The following AFF1 variants were observed in gnomAD, a reference collection of about 807,000 sequenced individuals.
The protein encoded by AFF1 is AF4/FMR2 family member 1.
Under a neutral mutation model 121.7 loss-of-function variants are expected in AFF1, and 48 were observed. The ratio of observed to expected loss-of-function variants is 0.39; its 90% confidence interval spans 0.31 to 0.50. The LOEUF (loss-of-function observed/expected upper bound fraction) is 0.50, where lower values mean the gene tolerates loss of function less well. AFF1 is among the 20% of genes least tolerant of loss of function. The pLI, the probability that AFF1 is intolerant of heterozygous loss-of-function variation, is 0.76. For synonymous variants in AFF1, 613 were observed against 563.0 expected, an observed-to-expected ratio of 1.09 and a Z score of -1.26; for missense variants, 1,523 against 1,511.7, an observed-to-expected ratio of 1.01 and a Z score of -0.12.
intron 11 of AFF1, among the ~76,000 whole-genome samples, chr4:87,112,064 A>G (rs1380793295): frequency 6.6e-6 from 1 of 152,180 alleles, no homozygotes; most frequent in African/African-American, 2.4e-5. Flanking sequence ...AGTGGGTAAG[A>G]TATGTCCATA....
intron 2 of AFF1, among the ~76,000 whole-genome samples, chr4:87,033,236 A>G (rs1729240136): frequency 6.6e-6 from 1 of 152,246 alleles, no homozygotes; most frequent in Non-Finnish European, 1.5e-5. Flanking sequence ...TGTTCTTATC[A>G]ATACACAGAC....
intron 2 of AFF1, among the ~76,000 whole-genome samples, chr4:87,019,461 A>G (rs1044561520): frequency 6.6e-6 from 1 of 152,236 alleles, no homozygotes; most frequent in African/African-American, 2.4e-5. Context: ...AATGCTGTAC[A>G]GAGAGGCCAA....
intron 16 of AFF1, 91 bp downstream of exon 16, chr4:87,127,794 C>A: frequency 7.6e-7 from 1 of 1,315,140 alleles, no homozygotes; most frequent in Non-Finnish European, 1.1e-6. Flanking sequence ...TTCCATATCA[C>A]TCAGCGTATG....
At chr4:87,089,106 TC>T (rs142281010) in intron 5 of AFF1, among the ~76,000 whole-genome samples, 11,553 of 152,242 alleles carry the variant, frequency 0.076, 606 homozygotes, top group Non-Finnish European at 0.12. Flanking sequence ...ACCTTTGACT[TC>T]CTGGGGTACC....
intron 11 of AFF1, among the ~76,000 whole-genome samples, chr4:87,110,003 T>G (rs1032847538): frequency 1.3e-5 from 2 of 152,308 alleles, no homozygotes; most frequent in East Asian, 3.9e-4. Flanking sequence ...CTCTTTCCTT[T>G]TACAATAAAT....
At chr4:86,940,293 A>G (rs766681284) in intron 1 of AFF1, among the ~76,000 whole-genome samples, 4 of 152,224 alleles carry the variant, frequency 2.6e-5, no homozygotes, top group Non-Finnish European at 4.4e-5. Flanking sequence ...CAGAATATCA[A>G]CATTTTCTTA....
chr4:86,988,772 T>G (rs1413877596), intron 2 of AFF1, among the ~76,000 whole-genome samples: 1 of 151,832 alleles, frequency 6.6e-6, no homozygotes, highest in Non-Finnish European at 1.5e-5. Flanking sequence ...GGAGGCATCA[T>G]GCTGACTTCA....
In AFF1 at chr4:87,136,928, AG is replaced by A. The variant is rs1383471354; in HGVS notation, c.*1228del. The A allele has an allele frequency of 2.3e-5, 5 of 220,970 alleles. No individual in the cohort carries two copies. Among genetic ancestry groups the A allele is most frequent in the Admixed American group, 1.7e-4 (3 of 17,368 alleles). 13.7% of individuals were successfully genotyped at this position (220,970 alleles called of 1,614,324 possible). A position where few individuals can be genotyped will look rare whatever the true frequency, so the allele number is the denominator to read the frequency against. ...ACTCATCACCACATGCCTTCACTCCAGAGTGTTCTCAGCTAGATTTGATTTG... is the reference window on the plus strand; with the variant it reads ...ACTCATCACCACATGCCTTCACTCCAAGTGTTCTCAGCTAGATTTGATTTG... On this transcript the variant is annotated 3_prime_UTR_variant, in exon 21 of 21. Coordinates refer to ENST00000395146, the MANE Select transcript of AFF1 (RefSeq NM_001166693.3).
chr4:87,063,899 A>T (rs988940404), intron 4 of AFF1, among the ~76,000 whole-genome samples: 1 of 152,238 alleles, frequency 6.6e-6, no homozygotes. Flanking sequence ...AGTCAGCAGA[A>T]TCCCAAGAAA....
chr4:87,066,293 G>C (rs937749146), intron 4 of AFF1, among the ~76,000 whole-genome samples: 1 of 152,170 alleles, frequency 6.6e-6, no homozygotes, highest in Non-Finnish European at 1.5e-5. Flanking sequence ...ACCGGTCATT[G>C]CCCTGCAGAC....
rs890519320 is a variant in AFF1, at chr4:87,057,894, TC to T, written c.1059+10306del. Reference sequence around the variant, plus strand: ...TAAACCCCCACCGCTGTCTTCAACATCCCCCCGCCCACCATCCCCACCCCTG... The same window carrying T: ...TAAACCCCCACCGCTGTCTTCAACATCCCCCGCCCACCATCCCCACCCCTG... On this transcript the variant is annotated intron_variant, in intron 4 of 20. Coordinates refer to ENST00000395146, the MANE Select transcript of AFF1 (RefSeq NM_001166693.3). 5.3e-4 allele frequency among the ~76,000 whole-genome samples: 81 copies of T among 151,984 alleles called. 1 individual carries two copies. The highest frequency in any genetic ancestry group is 3.4e-3 in the Middle Eastern group (1 of 294).
Position 87,134,523 on chromosome 4 carries a change from G to T in AFF1, c.3364G>T (p.Val1122Leu), listed in dbSNP as rs143181683. Residue 1122 changes from valine (V) to leucine (L), a missense_variant, in exon 20 of 21, where the codon GTA becomes TTA. This residue lies in a region of AFF1 where 241 missense variants were observed against 265.2 expected (regional missense o/e 0.91). Transcript: ENST00000395146. Reference protein sequence around the residue: ...LSPMPSPASSVGSQSSAGSVG... With the variant: ...LSPMPSPASSLGSQSSAGSVG... ...CCCAATGCCTTCTCCTGCCAGCTCC[G>T]TAGGGTCCCAGTCAAGTGCTGGCAG... is the stretch of plus-strand genomic sequence containing the variant. 3.7e-6 allele frequency: 6 copies of T among 1,613,368 alleles called. No individual in the cohort carries two copies. In the African/African-American group the frequency reaches 8.0e-5, roughly 22 times the overall value.
chr4:87,110,787 C>T (rs1241048729), intron 11 of AFF1, among the ~76,000 whole-genome samples: 1 of 151,936 alleles, frequency 6.6e-6, no homozygotes, highest in Non-Finnish European at 1.5e-5. Context: ...TTTATTAAAA[C>T]ACCTAATAAA....
intron 1 of AFF1, among the ~76,000 whole-genome samples, chr4:86,936,700 A>C (rs950016185): frequency 6.6e-6 from 1 of 152,180 alleles, no homozygotes; most frequent in African/African-American, 2.4e-5. Flanking sequence ...TTGAGTGGAT[A>C]TTCCGGAAGT....
In AFF1 at chr4:87,138,772, A is replaced by G. The variant is rs74471502; in HGVS notation, c.*3071A>G. ...TAGGAGGAGAATTTGACTGTCTGAT[A>G]TTATGATTTGATTACAATACTGAAT... On this transcript the variant is annotated 3_prime_UTR_variant, in exon 21 of 21. Coordinates refer to ENST00000395146, the MANE Select transcript of AFF1 (RefSeq NM_001166693.3). The G allele has an allele frequency of 0.011, 2,475 of 230,472 alleles. 60 individuals are homozygous for G. Among genetic ancestry groups the G allele is most frequent in the African/African-American group, 0.051 (2,299 of 45,312 alleles). 14.3% of individuals were successfully genotyped at this position (230,472 alleles called of 1,614,324 possible).
chr4:87,125,162 AACC>A lies in AFF1; in HGVS notation c.2573+23_2573+25del. The A allele has an allele frequency of 5.7e-6, 9 of 1,577,444 alleles. No individual in the cohort carries two copies. Among genetic ancestry groups the A allele is most frequent in the Non-Finnish European group, 7.8e-6 (9 of 1,153,612 alleles). ...AAACAAAGTGAGTATAGAGATTAGC[AACC>A]ACCTAATCTACGGTGATCAACACTT... On this transcript the variant is annotated intron_variant, in intron 13 of 20. Coordinates refer to ENST00000395146, the MANE Select transcript of AFF1 (RefSeq NM_001166693.3).
intron 2 of AFF1, among the ~76,000 whole-genome samples, chr4:87,000,107 T>TA (rs1160025014): frequency 1.3e-5 from 2 of 152,072 alleles, no homozygotes; most frequent in African/African-American, 4.8e-5. Flanking sequence ...TCAAAGGAAA[T>TA]ACCTGTGAGA....
At chr4:87,050,418 A>C (rs1731153896) in intron 4 of AFF1, among the ~76,000 whole-genome samples, 1 of 152,170 alleles carries the variant, frequency 6.6e-6, no homozygotes, top group South Asian at 2.1e-4. Flanking sequence ...AAATGAACCC[A>C]AATTGGAAAG....
chr4:86,988,393 G>T (rs775414519), intron 2 of AFF1, among the ~76,000 whole-genome samples: 3 of 149,588 alleles, frequency 2.0e-5, no homozygotes, highest in Non-Finnish European at 3.0e-5. Context: ...TTTTTTTTTA[G>T]CTACCACATT....
Sources: allele counts gnomAD v4.1 joint callset (sites outside exome capture counted in the v4.1 genomes callset), GRCh38; gene constraint gnomAD v4.1.1; regional missense constraint gnomAD v4.1.1; transcripts MANE v1.5; gene names NCBI Gene and HGNC (gene_info 2026-07-23, HGNC 2026-07-21).